NRTN: variants seen among roughly 807,000 people sequenced by gnomAD.
The protein encoded by NRTN is prepro-neurturin.
Under a neutral mutation model 7.5 loss-of-function variants are expected in NRTN, and 3 were observed. The ratio of observed to expected loss-of-function variants is 0.40; its 90% CI spans 0.18 to 1.03. The LOEUF (loss-of-function observed/expected upper bound fraction) is 1.03. Among genes scored for constraint, NRTN ranks in the 50% least tolerant of loss-of-function variants. The pLI, the probability that NRTN is intolerant of heterozygous loss-of-function variation, is 0.34. For missense variants in NRTN, 310 were observed against 307.0 expected, an observed-to-expected ratio of 1.01 and a Z score of -0.07; for synonymous variants, 157 against 146.6, an observed-to-expected ratio of 1.07 and a Z score of -0.51.
At chr19:5,819,184 G>A (rs1173518892) in intron 1 of NRTN, among the ~76,000 whole-genome samples, 1 of 152,202 alleles carries the variant, frequency 6.6e-6, no homozygotes, top group East Asian at 1.9e-4. Flanking sequence ...CCTTGGACAA[G>A]TCACTTCCCA....
At chr19:5,819,607 G>A (rs1427418698) in intron 1 of NRTN, among the ~76,000 whole-genome samples, 1 of 151,744 alleles carries the variant, frequency 6.6e-6, no homozygotes, top group African/African-American at 2.4e-5. Context: ...AGGTTGCAGT[G>A]AGCCGAGATC....
rs1395891854 is a variant in NRTN at position 5,828,102 on chromosome 19, T to G, written c.523T>G (p.Ser175Ala). Residue 175 changes from serine (S) to alanine (A), a missense_variant, in exon 3 of 3, where the codon TCC (serine) becomes GCC (alanine). Physicochemically the swap from Ser to Ala is moderately conservative, Grantham distance 99. Coordinates refer to ENST00000303212, the MANE Select transcript of NRTN (RefSeq NM_004558.5). ...CRPTAYEDEV[S>A]FLDAHSRYHT... Reference sequence around the variant, plus strand: ...CCCGACGGCCTACGAGGACGAGGTGTCCTTCCTGGACGCGCACAGCCGCTA... The same window carrying G: ...CCCGACGGCCTACGAGGACGAGGTGGCCTTCCTGGACGCGCACAGCCGCTA... 3 of 1,499,938 alleles carry G rather than the reference T, an allele frequency of 2.0e-6. No homozygotes were observed. Among genetic ancestry groups the G allele is most frequent in the Admixed American group, 2.2e-5 (1 of 45,982 alleles). 92.9% of individuals were successfully genotyped at this position (1,499,938 alleles called of 1,614,324 possible).
At chr19:5,808,533 G>A (rs111954814) in intron 1 of NRTN, among the ~76,000 whole-genome samples, 9 of 152,274 alleles carry the variant, frequency 5.9e-5, no homozygotes, top group African/African-American at 1.7e-4. Context: ...GCTGGGTGGC[G>A]GGTACAGGAA....
At chr19:5,809,037 G>A (rs536794807) in intron 1 of NRTN, among the ~76,000 whole-genome samples, 1 of 151,982 alleles carries the variant, frequency 6.6e-6, no homozygotes, top group South Asian at 2.1e-4. Flanking sequence ...TTACAGGTGT[G>A]AGCCACTGCG....
chr19:5,827,919 G>A lies in NRTN; in HGVS notation c.340G>A (p.Glu114Lys). Residue 114 changes from glutamate to lysine, a missense_variant, in exon 3 of 3, where the codon GAG becomes AAG. Physicochemically the swap from Glu to Lys is moderately conservative, Grantham distance 56. Coordinates refer to ENST00000303212, the MANE Select transcript of NRTN (RefSeq NM_004558.5). ...GLRELEVRVS[E>K]LGLGYASDET... ...GCGCGAGCTGGAGGTGCGCGTGAGC[G>A]AGCTGGGCCTGGGCTACGCGTCCGA... 1 of 1,458,316 alleles carries A rather than the reference G, an allele frequency of 6.9e-7. No homozygotes were observed. The highest frequency in any genetic ancestry group is 9.0e-7 in the Non-Finnish European group (1 of 1,106,292). 90.3% of individuals were successfully genotyped at this position (1,458,316 alleles called of 1,614,324 possible). A position where few individuals can be genotyped will look rare whatever the true frequency, so the allele number is the denominator to read the frequency against.
chr19:5,826,361 C>G (rs2057046452), intron 2 of NRTN, among the ~76,000 whole-genome samples: 1 of 152,132 alleles, frequency 6.6e-6, no homozygotes, highest in Admixed American at 6.5e-5. Flanking sequence ...CGATTTCCCA[C>G]CCTCTCAGCC....
chr19:5,826,769 C>G lies in NRTN; in HGVS notation c.170-980C>G, dbSNP rs1031234681. Among the ~76,000 whole-genome samples the G allele has an allele frequency of 2.6e-5, 4 of 152,122 alleles. No individual in the cohort carries two copies. In the East Asian group the frequency reaches 7.7e-4, roughly 29 times the overall value. On this transcript the variant is annotated intron_variant, in intron 2 of 2. Coordinates refer to ENST00000303212, the MANE Select transcript of NRTN (RefSeq NM_004558.5). The stretch of plus-strand genomic sequence containing the variant: ...CTTCCGAGTTTGGGGGTGGAGCCAC[C>G]GCTTGGGTAATAAATTTAGGCTGCC...
At chr19:5,819,432 C>T (rs769110734) in intron 1 of NRTN, among the ~76,000 whole-genome samples, 6 of 152,118 alleles carry the variant, frequency 3.9e-5, no homozygotes, top group Admixed American at 6.5e-5. Flanking sequence ...GAGGCCAAAG[C>T]GGGTGGATCA....
chr19:5,826,352 G>A (rs1278700353), intron 2 of NRTN, among the ~76,000 whole-genome samples: 1 of 151,908 alleles, frequency 6.6e-6, no homozygotes, highest in Non-Finnish European at 1.5e-5. Flanking sequence ...CCCCCGCACC[G>A]ATTTCCCACC....
At chr19:5,819,796 G>A (rs766364354) in intron 1 of NRTN, among the ~76,000 whole-genome samples, 17 of 151,960 alleles carry the variant, frequency 1.1e-4, no homozygotes, top group Non-Finnish European at 1.5e-4. Flanking sequence ...TGCAGTGGGC[G>A]CTGTGATTGC....
rs61704590 is a variant in NRTN at position 5,810,737 on chromosome 19, T to C, written c.-399+5286T>C. 5.5e-3 allele frequency among the ~76,000 whole-genome samples: 832 copies of C among 152,118 alleles called. 8 individuals are homozygous for C. The highest frequency in any genetic ancestry group is 0.019 in the African/African-American group (800 of 41,508). On this transcript the variant is annotated intron_variant, in intron 1 of 2. Transcript: ENST00000303212. ...TCACGAGGTCAGATCAAGACCACCC[T>C]GGCCAACATGGTGAAACCCCATCTC... is the stretch of plus-strand genomic sequence containing the variant.
chr19:5,823,327 G>A (rs1262743442), intron 1 of NRTN, among the ~76,000 whole-genome samples: 1 of 152,084 alleles, frequency 6.6e-6, no homozygotes, highest in Non-Finnish European at 1.5e-5. Flanking sequence ...TGAGGCAGGA[G>A]AATCGCTTGA....
Position 5,824,172 on chromosome 19 carries a change from C to T in NRTN, c.7C>T (p.Arg3Cys), listed in dbSNP as rs112515055. The T allele has an allele frequency of 6.8e-5, 110 of 1,608,018 alleles. No homozygotes were observed. Among genetic ancestry groups the T allele is most frequent in the East Asian group, 5.6e-4 (25 of 44,894 alleles). MQ[R>C]WKAAALASVL... Reference sequence around the variant, plus strand: ...CCGTGCCCGCAGGCTGAGGATGCAGCGCTGGAAGGCGGCGGCCTTGGCCTC... The same window carrying T: ...CCGTGCCCGCAGGCTGAGGATGCAGTGCTGGAAGGCGGCGGCCTTGGCCTC... Residue 3 changes from arginine (R) to cysteine (C), a missense_variant, in exon 2 of 3, where the codon CGC becomes TGC. Coordinates refer to ENST00000303212, the MANE Select transcript of NRTN (RefSeq NM_004558.5).
At position 5,827,836 on chromosome 19, in the gene NRTN, G is replaced by T; in HGVS notation, c.257G>T (p.Arg86Leu). ...GGGCGGCCCCCAGGTCCGCGCCGTC[G>T]GGCGGGGCCCCGGCGGCGGCGCGCG... ...WAGRPPGPRR[R>L]AGPRRRRARA... is the part of the protein sequence containing the mutation. Residue 86 changes from arginine (R) to leucine (L), a missense_variant, in exon 3 of 3, where the codon CGG (arginine) becomes CTG (leucine). Transcript: ENST00000303212. 5 of 1,166,560 alleles carry T rather than the reference G, an allele frequency of 4.3e-6. No homozygotes were observed. Among genetic ancestry groups the T allele is most frequent in the Non-Finnish European group, 5.3e-6 (5 of 949,050 alleles). 72.3% of individuals were successfully genotyped at this position (1,166,560 alleles called of 1,614,324 possible). A position where few individuals can be genotyped will look rare whatever the true frequency, so the allele number is the denominator to read the frequency against.
chr19:5,814,958 C>G (rs1480279091), intron 1 of NRTN, among the ~76,000 whole-genome samples: 1 of 152,252 alleles, frequency 6.6e-6, no homozygotes, highest in Non-Finnish European at 1.5e-5. Context: ...TCTAGCCAGG[C>G]CCTGCACAGG....
At chr19:5,810,480 G>C (rs966549700) in intron 1 of NRTN, among the ~76,000 whole-genome samples, 2 of 151,766 alleles carry the variant, frequency 1.3e-5, no homozygotes, top group Non-Finnish European at 2.9e-5. Flanking sequence ...GTTTCCCTAC[G>C]TGGAAAACAG....
At chr19:5,827,634 T>G (rs2057051572) in intron 2 of NRTN, 115 bp from the exon 3 acceptor site, 3 of 380,524 alleles carry the variant, frequency 7.9e-6, no homozygotes, top group African/African-American at 6.7e-5. Context: ...AGAAGCCGTC[T>G]AGGCCTGGCG....
chr19:5,814,212 A>G (rs958216587), intron 1 of NRTN, among the ~76,000 whole-genome samples: 1 of 151,924 alleles, frequency 6.6e-6, no homozygotes, highest in Non-Finnish European at 1.5e-5. Context: ...GTCCCTCTAG[A>G]AACTCCCATC....
chr19:5,807,080 GCCT>G (rs909182907), intron 1 of NRTN, among the ~76,000 whole-genome samples: 2 of 152,180 alleles, frequency 1.3e-5, no homozygotes, highest in Non-Finnish European at 2.9e-5. Flanking sequence ...TGGAGGAAGG[GCCT>G]CAGAGGTGGG....
Sources: gnomAD v4.1 joint callset for allele counts (sites outside exome capture counted in the v4.1 genomes callset) on GRCh38, gnomAD v4.1.1 for gene constraint, MANE v1.5 for transcripts, NCBI Gene and HGNC (gene_info 2026-07-23, HGNC 2026-07-21) for gene names.